Variants in SMCO2 observed in about 807,000 individuals in gnomAD.
SMCO2 encodes the protein single-pass membrane and coiled-coil domain-containing protein 2.
In SMCO2, 25 loss-of-function variants were observed where a neutral mutation model predicts 29.5. That is an observed-to-expected ratio of 0.85 (90% CI 0.62 to 1.18). SMCO2 has a LOEUF of 1.18. SMCO2 is among the 50% of genes most tolerant of loss of function. The pLI, the probability that SMCO2 is intolerant of heterozygous loss-of-function variation, is 0.00. For missense variants in SMCO2, 348 were observed against 344.5 expected, an observed-to-expected ratio of 1.01 and a Z score of -0.08; for synonymous variants, 117 against 123.3, an observed-to-expected ratio of 0.95 and a Z score of 0.34.
chr12:27,501,671 G>C (rs1339354653), intron 7 of SMCO2, among the ~76,000 whole-genome samples: 1 of 150,352 alleles, frequency 6.7e-6, no homozygotes, highest in East Asian at 1.9e-4. Context: ...ACATTTCAAA[G>C]GAAAGAACCC....
At chr12:27,487,741 C>T (rs927142225) in intron 4 of SMCO2, among the ~76,000 whole-genome samples, 2 of 144,566 alleles carry the variant, frequency 1.4e-5, no homozygotes, top group African/African-American at 5.2e-5. Context: ...TATCACTATT[C>T]TTCTTTTCTT....
At chr12:27,473,187 A>C in intron 3 of SMCO2, 2 of 306,134 alleles carry the variant, frequency 6.5e-6, no homozygotes, top group Non-Finnish European at 1.3e-5. Flanking sequence ...CTTCGAGCAA[A>C]TCACCATATG....
chr12:27,463,699 A>G (rs1949475729), upstream of SMCO2, among the ~76,000 whole-genome samples: 1 of 152,224 alleles, frequency 6.6e-6, no homozygotes, highest in Non-Finnish European at 1.5e-5. Flanking sequence ...CGGAAATTGG[A>G]TGACTAACAG....
chr12:27,467,242 A>T (rs1949505134), intron 1 of SMCO2, among the ~76,000 whole-genome samples: 1 of 152,168 alleles, frequency 6.6e-6, no homozygotes, highest in Admixed American at 6.5e-5. Context: ...GTGTAATTTT[A>T]AAAGTTTTTA....
Position 27,487,877 on chromosome 12 carries a change from T to G in SMCO2, c.363-583T>G, listed in dbSNP as rs527713259. On this transcript the variant is annotated intron_variant, in intron 4 of 7. Coordinates refer to ENST00000298876, the Ensembl canonical transcript of SMCO2. ...TTTGTATGTTTATTTGCTATCTATA[T>G]AGCCTCTTGGTGAAATGTCTGTGCA... Among the ~76,000 whole-genome samples the G allele has an allele frequency of 3.3e-5, 5 of 152,208 alleles. No homozygotes were observed. The East Asian group carries it at 9.6e-4, about 29-fold the overall frequency.
chr12:27,475,829 G>A, intron 4 of SMCO2, 98 bp downstream of exon 5: 4 of 1,161,596 alleles, frequency 3.4e-6, no homozygotes, highest in East Asian at 2.9e-5. Context: ...AAGTCTTTAG[G>A]CCATAGGTAT....
chr12:27,456,171 C>T, the SMCO2 span, among the ~76,000 whole-genome samples: 32 of 152,306 alleles, frequency 2.1e-4, no homozygotes, highest in African/African-American at 7.5e-4. Flanking sequence ...GCCGAGATCG[C>T]ACCTTTGCAC....
At chr12:27,425,119 TTTAGA>T in the SMCO2 span, 1 of 152,170 alleles carries the variant, frequency 6.6e-6, no homozygotes, top group Non-Finnish European at 1.5e-5. Context: ...TATTCTTGAG[TTTAGA>T]TTTGTCTTTT....
chr12:27,479,347 C>T (rs559704), intron 4 of SMCO2, among the ~76,000 whole-genome samples: 4,775 of 151,972 alleles, frequency 0.031, 269 homozygotes, highest in African/African-American at 0.11. Context: ...GTGGGTGGAC[C>T]TGTCATCTGG....
chr12:27,478,962 G>A (rs1045280644), intron 4 of SMCO2, among the ~76,000 whole-genome samples: 2 of 152,220 alleles, frequency 1.3e-5, no homozygotes, highest in African/African-American at 4.8e-5. Context: ...ATGAATGACT[G>A]CCAATAATGG....
At chr12:27,461,422 G>T in the SMCO2 span, among the ~76,000 whole-genome samples, 3 of 152,082 alleles carry the variant, frequency 2.0e-5, no homozygotes, top group Admixed American at 1.3e-4. Context: ...CCACCTTCAA[G>T]TAGTCCCCAG....
At chr12:27,466,995 G>A (rs957052922) in intron 1 of SMCO2, 4 of 152,112 alleles carry the variant, frequency 2.6e-5, no homozygotes, top group African/African-American at 4.8e-5. Context: ...ATTTCACAGC[G>A]TACCGTCTCA....
At chr12:27,462,242 TCA>T (rs1949464332), upstream of SMCO2, among the ~76,000 whole-genome samples, 1 of 152,234 alleles carries the variant, frequency 6.6e-6, no homozygotes, top group Non-Finnish European at 1.5e-5. Flanking sequence ...AGCTCTGACA[TCA>T]CTCTTGCTTA....
rs1322092840 is a variant in SMCO2, at chr12:27,495,687, G to A, written c.515G>A (p.Cys172Tyr). 2.0e-6 allele frequency: 3 copies of A among 1,464,744 alleles called. No homozygotes were observed. In the African/African-American group the frequency reaches 4.3e-5, roughly 21 times the overall value. The allele number at this position is 1,464,744 out of a possible 1,614,324, so 90.7% of individuals were successfully genotyped here. Residue 172 changes from cysteine to tyrosine, a missense_variant, in exon 7 of 8, where the codon TGC (cysteine) becomes TAC (tyrosine). Transcript: ENST00000298876. ...ATTACTCTTTTTTTTCAGGACCTTT[G>A]CAAGAATGTGGAACTGCTGAGTGCA...
the SMCO2 span, among the ~76,000 whole-genome samples, chr12:27,440,401 A>T: frequency 1.3e-5 from 2 of 152,230 alleles, no homozygotes; most frequent in Admixed American, 6.5e-5. Context: ...TGCAAAGGAA[A>T]ACTATTCAAG....
At chr12:27,492,426 G>A (rs1258896752) in intron 5 of SMCO2, among the ~76,000 whole-genome samples, 1 of 152,148 alleles carries the variant, frequency 6.6e-6, no homozygotes, top group African/African-American at 2.4e-5. Context: ...GGCTGGGCAT[G>A]GTGGCTCATG....
chr12:27,490,980 A>G (rs375460413), intron 5 of SMCO2, among the ~76,000 whole-genome samples: 5 of 152,166 alleles, frequency 3.3e-5, no homozygotes, highest in Admixed American at 2.0e-4. Context: ...AACAAAATAA[A>G]TAAATAGGTA....
intron 4 of SMCO2, among the ~76,000 whole-genome samples, chr12:27,477,634 CTT>C (rs3051833): frequency 1.7e-4 from 19 of 109,624 alleles, no homozygotes; most frequent in Non-Finnish European, 2.2e-4. Flanking sequence ...CTTTTTCATT[CTT>C]TTTTTTTTTT....
chr12:27,426,997 C>T, the SMCO2 span, among the ~76,000 whole-genome samples: 1 of 152,160 alleles, frequency 6.6e-6, no homozygotes, highest in African/African-American at 2.4e-5. Flanking sequence ...GTGCTATGCT[C>T]TTAGAGACAA....
Sources: allele counts gnomAD v4.1 joint callset (sites outside exome capture counted in the v4.1 genomes callset), GRCh38; gene constraint gnomAD v4.1.1; transcripts MANE v1.5; gene names NCBI Gene and HGNC (gene_info 2026-07-23, HGNC 2026-07-21).